Variants in TNFRSF8 observed in about 807,000 individuals in gnomAD.
TNFRSF8 encodes the protein tumor necrosis factor receptor superfamily member 8.
A neutral mutation model predicts 70.8 loss-of-function variants in TNFRSF8; 26 were observed. The ratio of observed to expected loss-of-function variants is 0.37; its 90% CI spans 0.27 to 0.51. The LOEUF (loss-of-function observed/expected upper bound fraction) is 0.51. Among genes scored for constraint, TNFRSF8 ranks in the 20% least tolerant of loss-of-function variants. TNFRSF8 has a pLI of 0.94. For synonymous variants in TNFRSF8, 356 were observed against 339.2 expected (o/e 1.05, Z -0.54); for missense variants, 720 against 807.9 (o/e 0.89, Z 1.32).
chr1:12,079,949 ATTTTT>A (rs111729252), intron 1 of TNFRSF8, among the ~76,000 whole-genome samples: 2 of 127,048 alleles, frequency 1.6e-5, no homozygotes, highest in Non-Finnish European at 3.4e-5. Flanking sequence ...TTAATTCTCT[ATTTTT>A]TTTTTTTTTT....
chr1:12,107,116 C>T (rs1641539532), intron 4 of TNFRSF8, among the ~76,000 whole-genome samples: 1 of 152,158 alleles, frequency 6.6e-6, no homozygotes, highest in South Asian at 2.1e-4. Flanking sequence ...AGCTAGGGGC[C>T]GGGTGCGGTG....
At chr1:12,064,107 A>G (rs981690285) in intron 1 of TNFRSF8, among the ~76,000 whole-genome samples, 7 of 152,066 alleles carry the variant, frequency 4.6e-5, no homozygotes, top group Admixed American at 1.3e-4. Flanking sequence ...CCCCTTCCTA[A>G]GCTGGCCACT....
At chr1:12,115,078 A>G (rs553819098) in intron 7 of TNFRSF8, among the ~76,000 whole-genome samples, 13 of 152,284 alleles carry the variant, frequency 8.5e-5, no homozygotes, top group African/African-American at 2.9e-4. Context: ...GCTGCGTACT[A>G]TCACCCAGCT....
chr1:12,116,479 T>C (rs1369787200), intron 8 of TNFRSF8, among the ~76,000 whole-genome samples: 2 of 152,006 alleles, frequency 1.3e-5, no homozygotes, highest in African/African-American at 4.8e-5. Flanking sequence ...TCCAGGTGGT[T>C]TAAAACAGAT....
chr1:12,104,652 A>G (rs914561495), intron 4 of TNFRSF8, 121 bp downstream of exon 4: 10 of 1,270,296 alleles, frequency 7.9e-6, no homozygotes, highest in South Asian at 1.4e-5. Context: ...TGGACAGATC[A>G]TGTCTCCTTT....
At chr1:12,087,288 C>G (rs976305716) in intron 2 of TNFRSF8, among the ~76,000 whole-genome samples, 2 of 151,742 alleles carry the variant, frequency 1.3e-5, no homozygotes, top group Admixed American at 6.6e-5. Flanking sequence ...TTGCCTCAGC[C>G]TCCTGAGTAG....
In TNFRSF8 at chr1:12,076,379, C is replaced by T. The variant is rs370272645; in HGVS notation, c.64-8085C>T. ...CCTCCCAAAGTGCTGGGATTACAAG[C>T]GTGAGCTACCGTGCCCGGCCTCAGT... On this transcript the variant is annotated intron_variant, in intron 1 of 14. Coordinates refer to ENST00000263932, the MANE Select transcript of TNFRSF8 (RefSeq NM_001243.5). Among the ~76,000 whole-genome samples, 8 of 152,262 alleles carry T rather than the reference C, an allele frequency of 5.3e-5. 1 individual carries two copies. Among genetic ancestry groups the T allele is most frequent in the Admixed American group, 1.3e-4 (2 of 15,298 alleles).
intron 3 of TNFRSF8, among the ~76,000 whole-genome samples, chr1:12,103,634 T>G (rs1420418802): frequency 6.6e-6 from 1 of 151,104 alleles, no homozygotes; most frequent in Non-Finnish European, 1.5e-5. Context: ...CATGCCTGGC[T>G]AATTTTTGTA....
chr1:12,131,310 C>A (rs10465705), intron 12 of TNFRSF8, among the ~76,000 whole-genome samples: 2,513 of 152,078 alleles, frequency 0.017, 65 homozygotes, highest in African/African-American at 0.056. Flanking sequence ...ATTAGCCAGG[C>A]ATGGTGGCAC....
chr1:12,140,888 C>T (rs914854455), intron 14 of TNFRSF8, among the ~76,000 whole-genome samples: 12 of 151,726 alleles, frequency 7.9e-5, no homozygotes, highest in Admixed American at 3.9e-4. Flanking sequence ...TCTCCTCTCT[C>T]ACCACCCCCG....
At chr1:12,085,518 C>G (rs1641139362) in intron 2 of TNFRSF8, among the ~76,000 whole-genome samples, 1 of 152,202 alleles carries the variant, frequency 6.6e-6, no homozygotes, top group Admixed American at 6.5e-5. Context: ...TCCCAAAGCA[C>G]TGGGATTACA....
intron 3 of TNFRSF8, 61 bp from the exon 4 acceptor site, chr1:12,104,318 A>G (rs1641478638): frequency 4.4e-6 from 7 of 1,594,648 alleles, no homozygotes; most frequent in Non-Finnish European, 6.0e-6. Flanking sequence ...TCATCTCAAG[A>G]GCTATCTGGA....
rs1463133177 is a variant in TNFRSF8, at chr1:12,088,079, C to G, written c.151+3528C>G. 1.3e-5 allele frequency among the ~76,000 whole-genome samples: 2 copies of G among 152,082 alleles called. No individual in the cohort carries two copies. The highest frequency in any genetic ancestry group is 2.9e-5 in the Non-Finnish European group (2 of 67,988). The stretch of plus-strand genomic sequence containing the variant: ...GCACTCAGCTGTGTGGCCGGGTTTG[C>G]TTGTGGGCGGGTTGGTGGAGGAAGG... On this transcript the variant is annotated intron_variant, in intron 2 of 14. Coordinates refer to ENST00000263932, the MANE Select transcript of TNFRSF8 (RefSeq NM_001243.5). The surrounding 1 kb of genome is among the most constrained non-coding windows in gnomAD (Gnocchi z 4.0).
At chr1:12,078,388 A>G (rs111833073) in intron 1 of TNFRSF8, among the ~76,000 whole-genome samples, 2,085 of 151,868 alleles carry the variant, frequency 0.014, 47 homozygotes, top group African/African-American at 0.048. Flanking sequence ...ACATGGTGAA[A>G]CCCTGCCTCT....
intron 8 of TNFRSF8, among the ~76,000 whole-genome samples, chr1:12,117,507 A>G (rs1349379342): frequency 6.6e-6 from 1 of 152,116 alleles, no homozygotes; most frequent in Non-Finnish European, 1.5e-5. Context: ...GCACCTGTCA[A>G]CAGGCTAGCC....
Position 12,110,917 on chromosome 1 carries a change from C to T in TNFRSF8, c.676+713C>T, listed in dbSNP as rs11121868. ...CGCCCAACCTAGTCCCATTTTATTA[C>T]TGAATAGCCCTCCATGGCGTAGATA... On this transcript the variant is annotated intron_variant, in intron 6 of 14. Transcript: ENST00000263932. The surrounding 1 kb of genome is among the most constrained non-coding windows in gnomAD (Gnocchi z 4.0). Among the ~76,000 whole-genome samples the T allele has an allele frequency of 0.057, 8,722 of 152,204 alleles. 339 individuals carry two copies. The highest frequency in any genetic ancestry group is 0.08 in the Non-Finnish European group (5,423 of 67,990).
At chr1:12,136,970 G>C (rs1011600974) in intron 13 of TNFRSF8, among the ~76,000 whole-genome samples, 4 of 150,584 alleles carry the variant, frequency 2.7e-5, no homozygotes, top group Non-Finnish European at 4.4e-5. Flanking sequence ...TAGGACAATA[G>C]TGGAGGGAAG....
chr1:12,073,013 C>T lies in TNFRSF8; in HGVS notation c.63+9352C>T, dbSNP rs1640874408. On this transcript the variant is annotated intron_variant, in intron 1 of 14. Coordinates refer to ENST00000263932, the MANE Select transcript of TNFRSF8 (RefSeq NM_001243.5). ...GGGCAAGGAAACACACCAGGCTGGG[C>T]GCCAAGGCTCACGCCTGTATTCCCA... 2.6e-5 allele frequency among the ~76,000 whole-genome samples: 4 copies of T among 152,312 alleles called. No individual in the cohort carries two copies. In the South Asian group the frequency reaches 6.2e-4, roughly 24 times the overall value.
chr1:12,137,200 T>G (rs1642162166), intron 13 of TNFRSF8, among the ~76,000 whole-genome samples: 1 of 152,080 alleles, frequency 6.6e-6, no homozygotes. Flanking sequence ...CAGCGCCTTT[T>G]AAAAGTTATT....
Sources: allele counts gnomAD v4.1 joint callset (sites outside exome capture counted in the v4.1 genomes callset), GRCh38; gene constraint gnomAD v4.1.1; non-coding constraint Gnocchi (gnomAD v3.1); transcripts MANE v1.5; gene names NCBI Gene and HGNC (gene_info 2026-07-23, HGNC 2026-07-21).